ABCA9: variants seen among roughly 807,000 people sequenced by gnomAD.
ABCA9 encodes the protein ATP-binding cassette sub-family A member 9.
Under a neutral mutation model 205.3 loss-of-function variants are expected in ABCA9, and 183 were observed. The ratio of observed to expected loss-of-function variants is 0.89; its 90% CI spans 0.79 to 1.01. ABCA9 has a LOEUF of 1.01. ABCA9 is among the 50% of genes least tolerant of loss of function. The pLI is 0.00. For missense variants in ABCA9, 1,805 were observed against 1,912.4 expected, an observed-to-expected ratio of 0.94 and a Z score of 1.05; for synonymous variants, 651 against 683.3, an observed-to-expected ratio of 0.95 and a Z score of 0.74.
At chr17:69,016,110 A>AT (rs2070592836) in intron 22 of ABCA9, 143 bp downstream of exon 22, 1 of 251,492 alleles carries the variant, frequency 4.0e-6, no homozygotes. Flanking sequence ...GTGTATATAT[A>AT]TATATATATA....
At position 69,033,836 on chromosome 17, in the gene ABCA9, T is replaced by C. The variant is rs771508494; in HGVS notation, c.1166A>G (p.His389Arg). ...GTATGGATTTTGTGAAGAATCCAAGTGGGCATTAGAATTCACATCATAGTC... is the reference window on the plus strand; with the variant it reads ...GTATGGATTTTGTGAAGAATCCAAGCGGGCATTAGAATTCACATCATAGTC... ...HLDYDVNSNA[H>R]LDSSQNPYLI... is the part of the protein sequence containing the mutation. The change falls in exon 9 of 39, where the codon CAC becomes CGC. Residue 389 changes from histidine to arginine, a missense_variant. Transcript: ENST00000340001. 1 of 1,607,710 alleles carries C rather than the reference T, an allele frequency of 6.2e-7. No individual in the cohort carries two copies. Among genetic ancestry groups the C allele is most frequent in the Non-Finnish European group, 8.5e-7 (1 of 1,175,418 alleles).
chr17:68,987,144 G>C (rs2069263832), intron 31 of ABCA9, among the ~76,000 whole-genome samples: 1 of 152,156 alleles, frequency 6.6e-6, no homozygotes, highest in Admixed American at 6.5e-5. Flanking sequence ...TTAGGTGTTT[G>C]TTTTATCATT....
At chr17:69,037,736 A>G (rs2071394592) in intron 6 of ABCA9, among the ~76,000 whole-genome samples, 1 of 152,152 alleles carries the variant, frequency 6.6e-6, no homozygotes, top group Non-Finnish European at 1.5e-5. Flanking sequence ...TGAAGGGGAT[A>G]GAGACATGAA....
intron 25 of ABCA9, among the ~76,000 whole-genome samples, chr17:68,999,319 T>TCCTG (rs1187972052): frequency 7.9e-6 from 1 of 127,256 alleles, no homozygotes; most frequent in Non-Finnish European, 1.6e-5. Flanking sequence ...ATGTTCCCCT[T>TCCTG]CCTGTGTCCA....
chr17:69,076,869 T>C, the ABCA9 span, among the ~76,000 whole-genome samples: 3 of 152,168 alleles, frequency 2.0e-5, no homozygotes, highest in Admixed American at 1.3e-4. Context: ...GCCTTTGTCA[T>C]TTCTGATTGT....
At chr17:69,078,112 A>G in the ABCA9 span, among the ~76,000 whole-genome samples, 1 of 152,106 alleles carries the variant, frequency 6.6e-6, no homozygotes, top group Non-Finnish European at 1.5e-5. Context: ...TTTATTTTCA[A>G]AAGGTATAAT....
rs1293851155 is a variant in ABCA9, at chr17:69,023,965, C to T, written c.2281+249G>A. ...CTTATTTTATCTTGCTGCTAGCCTA[C>T]GCCTCTTAATTGCACTTAATTGACT... On this transcript the variant is annotated intron_variant, in intron 17 of 38. Coordinates refer to ENST00000340001, the MANE Select transcript of ABCA9 (RefSeq NM_080283.4). This position sits in a 1 kb window ranked among gnomAD's most constrained non-coding sequence, Gnocchi z 4.2. Among the ~76,000 whole-genome samples, 3 of 151,736 alleles carry T rather than the reference C, an allele frequency of 2.0e-5. No homozygotes were observed. Among genetic ancestry groups the T allele is most frequent in the African/African-American group, 4.9e-5 (2 of 41,084 alleles).
chr17:69,073,572 T>C, the ABCA9 span, among the ~76,000 whole-genome samples: 2 of 152,104 alleles, frequency 1.3e-5, no homozygotes, highest in African/African-American at 4.8e-5. Context: ...AGAAACAACA[T>C]ACCAGAATCT....
intron 25 of ABCA9, among the ~76,000 whole-genome samples, chr17:69,001,074 A>G (rs1310554649): frequency 6.6e-6 from 1 of 152,106 alleles, no homozygotes; most frequent in Non-Finnish European, 1.5e-5. Flanking sequence ...AACAGGGACA[A>G]TTTGACTTCC....
intron 22 of ABCA9, among the ~76,000 whole-genome samples, chr17:69,014,996 C>T (rs1401963690): frequency 3.9e-5 from 6 of 152,138 alleles, no homozygotes; most frequent in African/African-American, 1.4e-4. Context: ...TACGTAGAAA[C>T]TGCTAGCAAC....
intron 25 of ABCA9, among the ~76,000 whole-genome samples, chr17:69,000,444 C>T (rs189453467): frequency 5.9e-5 from 9 of 152,076 alleles, no homozygotes; most frequent in Middle Eastern, 3.4e-3. Flanking sequence ...TATAGATAAG[C>T]GGCGTTATTT....
rs1374758262 is a variant in ABCA9, at chr17:69,035,652, C to G, written c.942+8G>C. 1 of 1,611,418 alleles carries G rather than the reference C, an allele frequency of 6.2e-7. No homozygotes were observed. Among genetic ancestry groups the G allele is most frequent in the Non-Finnish European group, 8.5e-7 (1 of 1,178,942 alleles). ...AATAAAAGACTTAGATGAAATTAAC[C>G]AACTCACCAAAGACAGGCCATAGAG... On this transcript the variant is annotated splice_region_variant and intron_variant, in intron 7 of 38. Coordinates refer to ENST00000340001, the MANE Select transcript of ABCA9 (RefSeq NM_080283.4).
intron 8 of ABCA9, 54 bp from the exon 9 acceptor site, chr17:69,033,927 T>C: frequency 2.9e-6 from 4 of 1,380,880 alleles, no homozygotes; most frequent in Admixed American, 2.0e-5. Context: ...CATTAAGAAT[T>C]ATTATTGTTT....
chr17:69,049,989 T>C (rs1031197414), intron 2 of ABCA9, among the ~76,000 whole-genome samples: 3 of 152,002 alleles, frequency 2.0e-5, no homozygotes, highest in Non-Finnish European at 2.9e-5. Flanking sequence ...CATTCGGGAA[T>C]TGGAAATACA....
intron 3 of ABCA9, among the ~76,000 whole-genome samples, chr17:69,048,456 C>T (rs1027059850): frequency 3.9e-5 from 6 of 152,174 alleles, no homozygotes; most frequent in Admixed American, 1.3e-4. Context: ...GTTCTTTTGG[C>T]ATAACCGATC....
chr17:69,051,209 A>T, intron 1 of ABCA9, 70 bp from the exon 2 acceptor site: 9 of 1,410,602 alleles, frequency 6.4e-6, no homozygotes, highest in Non-Finnish European at 8.7e-6. Context: ...GCAATCAAAC[A>T]TAAAAGAAAC....
chr17:69,052,380 C>G (rs1331712545), intron 1 of ABCA9, among the ~76,000 whole-genome samples: 2 of 151,492 alleles, frequency 1.3e-5, no homozygotes, highest in Admixed American at 6.6e-5. Context: ...GTCTCAAAAA[C>G]AAATAGAAAA....
At chr17:68,994,914 C>T (rs2069567635) in intron 26 of ABCA9, among the ~76,000 whole-genome samples, 2 of 152,002 alleles carry the variant, frequency 1.3e-5, no homozygotes, top group South Asian at 4.2e-4. Context: ...CAAAAATCTA[C>T]CCTCCCTATT....
chr17:69,059,986 C>T (rs2072188775), intron 1 of ABCA9, among the ~76,000 whole-genome samples: 1 of 152,140 alleles, frequency 6.6e-6, no homozygotes. Flanking sequence ...TGATAAACCT[C>T]AGTATCTGAA....
Sources: allele counts gnomAD v4.1 joint callset (sites outside exome capture counted in the v4.1 genomes callset), GRCh38; gene constraint gnomAD v4.1.1; non-coding constraint Gnocchi (gnomAD v3.1); transcripts MANE v1.5; gene names NCBI Gene and HGNC (gene_info 2026-07-23, HGNC 2026-07-21).